Variants in PDE4D observed in about 807,000 individuals in gnomAD.
PDE4D encodes the protein 3',5'-cyclic-AMP phosphodiesterase 4D.
Under a neutral mutation model 87.4 loss-of-function variants are expected in PDE4D, and 24 were observed. The ratio of observed to expected loss-of-function variants is 0.27; its 90% CI spans 0.20 to 0.39. The LOEUF (loss-of-function observed/expected upper bound fraction) is 0.39. PDE4D is among the 10% of genes least tolerant of loss of function. PDE4D has a pLI of 1.00. For synonymous variants in PDE4D, 384 were observed against 383.2 expected, an observed-to-expected ratio of 1.00 and a Z score of -0.02; for missense variants, 714 against 1,041.0, an observed-to-expected ratio of 0.69 and a Z score of 4.32.
intron 1 of PDE4D, among the ~76,000 whole-genome samples, chr5:59,454,339 A>C (rs1582681968): frequency 6.6e-6 from 1 of 152,218 alleles, no homozygotes; most frequent in East Asian, 1.9e-4. Flanking sequence ...ATTATGGGGG[A>C]CAGGTCTTTC....
chr5:60,467,100 CGT>C lies in PDE4D; in HGVS notation c.-90+20840_-90+20841del, dbSNP rs1747414857. On this transcript the variant is annotated intron_variant, in intron 1 of 16. Transcript: ENST00000502484. ...TGTTGCCCAGGCTGGAGTGCAGTGG[CGT>C]GATCTCTGCTCACTGCAACCTCCAC... is the stretch of plus-strand genomic sequence containing the variant. Among the ~76,000 whole-genome samples, 6 of 151,942 alleles carry C rather than the reference CGT, an allele frequency of 3.9e-5. No homozygotes were observed. In the South Asian group the frequency reaches 1.2e-3, roughly 32 times the overall value.
chr5:60,099,122 A>C lies in PDE4D; in HGVS notation c.42+86435T>G, dbSNP rs562429445. Among the ~76,000 whole-genome samples, 15 of 152,010 alleles carry C rather than the reference A, an allele frequency of 9.9e-5. No individual in the cohort carries two copies. The East Asian group carries it at 2.9e-3, about 29-fold the overall frequency. On this transcript the variant is annotated intron_variant, in intron 2 of 16. Transcript: ENST00000502484. ...TTTCTTTTAGTACTCCAAATACATC[A>C]TTCCACTCCCTCCTGCCCAGCAAAG...
intron 1 of PDE4D, among the ~76,000 whole-genome samples, chr5:59,561,757 C>A (rs144704105): frequency 6.6e-6 from 1 of 151,582 alleles, no homozygotes; most frequent in Non-Finnish European, 1.5e-5. Flanking sequence ...TGGCAAAAAC[C>A]CGTCTCTACT....
intron 1 of PDE4D, among the ~76,000 whole-genome samples, chr5:60,398,810 T>C (rs1416808486): frequency 1.3e-5 from 2 of 152,138 alleles, no homozygotes; most frequent in East Asian, 3.9e-4. Context: ...AGATTACCAC[T>C]GCCCTTTTTC....
intron 6 of PDE4D, among the ~76,000 whole-genome samples, chr5:59,032,902 C>T (rs947158296): frequency 7.2e-5 from 11 of 152,078 alleles, no homozygotes; most frequent in Non-Finnish European, 1.5e-4. Context: ...AGGCCTATTG[C>T]CCAAAATATT....
At chr5:60,066,343 A>G (rs1235372529) in intron 2 of PDE4D, among the ~76,000 whole-genome samples, 1 of 152,044 alleles carries the variant, frequency 6.6e-6, no homozygotes, top group Non-Finnish European at 1.5e-5. Flanking sequence ...TTTTTTAAAT[A>G]CTGTATTTCC....
intron 1 of PDE4D, among the ~76,000 whole-genome samples, chr5:59,355,935 T>C (rs1781308340): frequency 6.6e-6 from 1 of 152,200 alleles, no homozygotes. Flanking sequence ...GTGCTGCATT[T>C]GGTCTAAATA....
At chr5:60,033,213 T>G (rs1240201324) in intron 2 of PDE4D, among the ~76,000 whole-genome samples, 1 of 152,084 alleles carries the variant, frequency 6.6e-6, no homozygotes, top group Non-Finnish European at 1.5e-5. Flanking sequence ...GAGAAACGAG[T>G]GACATTTATT....
chr5:60,155,138 T>C (rs1781853504), intron 2 of PDE4D, among the ~76,000 whole-genome samples: 1 of 152,214 alleles, frequency 6.6e-6, no homozygotes, highest in Non-Finnish European at 1.5e-5. Flanking sequence ...GGTCATAGGT[T>C]ATGCATTTGT....
chr5:60,050,009 A>C (rs1562026155), intron 2 of PDE4D, among the ~76,000 whole-genome samples: 2 of 152,182 alleles, frequency 1.3e-5, no homozygotes, highest in Non-Finnish European at 2.9e-5. Flanking sequence ...TGTGCTAGCA[A>C]TCAGCGAGAC....
chr5:60,327,014 C>A (rs1756856081), intron 1 of PDE4D, among the ~76,000 whole-genome samples: 1 of 152,092 alleles, frequency 6.6e-6, no homozygotes, highest in African/African-American at 2.4e-5. Context: ...ATTTCTTTAT[C>A]CCCTGCTTAC....
chr5:59,943,937 A>C (rs1757454874), intron 3 of PDE4D, among the ~76,000 whole-genome samples: 1 of 152,228 alleles, frequency 6.6e-6, no homozygotes, highest in South Asian at 2.1e-4. Flanking sequence ...AAGCAAGAAG[A>C]TGAATGGCAA....
intron 1 of PDE4D, chr5:60,459,749 G>A (rs564020361): frequency 2.0e-4 from 83 of 416,362 alleles, no homozygotes; most frequent in Admixed American, 6.9e-4. Flanking sequence ...CTCAACAACA[G>A]GGCAACAGAG....
intron 6 of PDE4D, among the ~76,000 whole-genome samples, chr5:59,019,666 A>T (rs1754706259): frequency 6.6e-6 from 1 of 152,154 alleles, no homozygotes; most frequent in Non-Finnish European, 1.5e-5. Context: ...CTTCCCTATT[A>T]GATGCCTATA....
intron 2 of PDE4D, among the ~76,000 whole-genome samples, chr5:60,077,679 G>C (rs545379155): frequency 2.6e-5 from 4 of 152,158 alleles, no homozygotes; most frequent in Non-Finnish European, 5.9e-5. Flanking sequence ...AGGGAGATGG[G>C]TGTCCCTGGC....
At chr5:60,364,072 A>G (rs1208349432) in intron 1 of PDE4D, among the ~76,000 whole-genome samples, 1 of 152,218 alleles carries the variant, frequency 6.6e-6, no homozygotes, top group Non-Finnish European at 1.5e-5. Flanking sequence ...GCCTGATAAA[A>G]TTGGTCAAAC....
intron 1 of PDE4D, among the ~76,000 whole-genome samples, chr5:59,834,936 C>T (rs1463894480): frequency 6.6e-6 from 1 of 152,032 alleles, no homozygotes; most frequent in Non-Finnish European, 1.5e-5. Flanking sequence ...AACTCTCTTC[C>T]AGTTGCTACT....
At chr5:60,100,095 T>G (rs1228125646) in intron 2 of PDE4D, among the ~76,000 whole-genome samples, 1 of 151,956 alleles carries the variant, frequency 6.6e-6, no homozygotes, top group Admixed American at 6.6e-5. Context: ...CTTCATGCAC[T>G]GATATGAAAA....
At chr5:59,857,383 A>AT in intron 1 of PDE4D, among the ~76,000 whole-genome samples, 1 of 152,234 alleles carries the variant, frequency 6.6e-6, no homozygotes, top group South Asian at 2.1e-4. Context: ...CAGATAAGTC[A>AT]TTTTTTATTC....
Sources: gnomAD v4.1 joint callset for allele counts (sites outside exome capture counted in the v4.1 genomes callset) on GRCh38, gnomAD v4.1.1 for gene constraint, MANE v1.5 for transcripts, NCBI Gene and HGNC (gene_info 2026-07-23, HGNC 2026-07-21) for gene names.